BACH2: variants seen among roughly 807,000 people sequenced by gnomAD.
BACH2 encodes BACH transcriptional regulator 2.
BACH2 carries 5 observed loss-of-function variants against 61.8 expected under a neutral mutation model. The ratio of observed to expected loss-of-function variants is 0.08; its 90% confidence interval spans 0.04 to 0.17. BACH2 has a LOEUF of 0.17. BACH2 is among the 10% of genes least tolerant of loss of function. BACH2 has a pLI of 1.00. For missense variants in BACH2, 824 were observed against 1,091.1 expected, an observed-to-expected ratio of 0.76 and a Z score of 3.45; for synonymous variants, 446 against 440.1, an observed-to-expected ratio of 1.01 and a Z score of -0.17.
chr6:90,251,332 C>T (rs1490444770), intron 3 of BACH2, among the ~76,000 whole-genome samples: 1 of 152,062 alleles, frequency 6.6e-6, no homozygotes, highest in Non-Finnish European at 1.5e-5. Flanking sequence ...TTCTTTTAGA[C>T]AAGATCAGGC....
intron 5 of BACH2, among the ~76,000 whole-genome samples, chr6:90,069,766 G>A (rs557630079): frequency 6.6e-6 from 1 of 152,260 alleles, no homozygotes; most frequent in South Asian, 2.1e-4. Flanking sequence ...AGGCGATTAG[G>A]GAAATTAGTA....
At chr6:90,103,964 A>G (rs1782788786) in intron 4 of BACH2, among the ~76,000 whole-genome samples, 1 of 152,228 alleles carries the variant, frequency 6.6e-6, no homozygotes, top group African/African-American at 2.4e-5. Flanking sequence ...GATGCAGACA[A>G]TGAAGTGTAG....
intron 5 of BACH2, among the ~76,000 whole-genome samples, chr6:90,024,130 T>G (rs1363690503): frequency 7.1e-6 from 1 of 141,796 alleles, no homozygotes; most frequent in Non-Finnish European, 1.5e-5. Flanking sequence ...TTATGCACTT[T>G]TCTACATCTA....
At chr6:90,151,735 T>C (rs138168015) in intron 4 of BACH2, among the ~76,000 whole-genome samples, 2 of 152,360 alleles carry the variant, frequency 1.3e-5, no homozygotes, top group Non-Finnish European at 2.9e-5. Context: ...ACAGAAGGCA[T>C]ACTCCTAAAT....
intron 4 of BACH2, among the ~76,000 whole-genome samples, chr6:90,160,476 T>G (rs1272824882): frequency 6.6e-6 from 1 of 152,236 alleles, no homozygotes. Context: ...GACTGTTTTC[T>G]GTGAATTCTT....
At chr6:90,245,438 T>TA (rs776832740) in intron 3 of BACH2, among the ~76,000 whole-genome samples, 35 of 152,158 alleles carry the variant, frequency 2.3e-4, no homozygotes, top group Admixed American at 3.9e-4. Flanking sequence ...CAAGAAAATT[T>TA]AAAAAAATTA....
chr6:90,061,348 T>G (rs1203273086), intron 5 of BACH2, among the ~76,000 whole-genome samples: 2 of 152,194 alleles, frequency 1.3e-5, no homozygotes, highest in African/African-American at 4.8e-5. Context: ...GGTTGATGGC[T>G]GGTGGTGTCA....
At chr6:90,285,788 G>A (rs572080302) in intron 1 of BACH2, among the ~76,000 whole-genome samples, 2 of 152,156 alleles carry the variant, frequency 1.3e-5, no homozygotes, top group Admixed American at 6.5e-5. Flanking sequence ...TTTACAGTGC[G>A]GCCAGCTGAG....
intron 5 of BACH2, among the ~76,000 whole-genome samples, chr6:90,040,521 A>AC (rs1554232670): frequency 6.9e-6 from 1 of 145,470 alleles, no homozygotes. Flanking sequence ...GCTATTTTTG[A>AC]TTTTTTTTTT....
chr6:90,138,677 C>T (rs971264511), intron 4 of BACH2, among the ~76,000 whole-genome samples: 7 of 151,974 alleles, frequency 4.6e-5, no homozygotes, highest in East Asian at 1.9e-4. Context: ...TTAAATCCAC[C>T]GAAGGACACA....
At chr6:90,060,011 A>G (rs1780598239) in intron 5 of BACH2, among the ~76,000 whole-genome samples, 1 of 150,110 alleles carries the variant, frequency 6.7e-6, no homozygotes, top group Non-Finnish European at 1.5e-5. Context: ...GCATTAGGAG[A>G]TATACCTAAT....
intron 3 of BACH2, among the ~76,000 whole-genome samples, chr6:90,212,021 C>G (rs370409): frequency 6.6e-6 from 1 of 151,964 alleles, no homozygotes; most frequent in African/African-American, 2.4e-5. Context: ...CAAGGTGAAC[C>G]GGCTCTGAAG....
At chr6:90,190,815 C>T (rs917525037) in intron 4 of BACH2, among the ~76,000 whole-genome samples, 1 of 152,192 alleles carries the variant, frequency 6.6e-6, no homozygotes, top group Non-Finnish European at 1.5e-5. Context: ...GGCTAAGACC[C>T]CAGACCAACG....
intron 6 of BACH2, among the ~76,000 whole-genome samples, chr6:90,002,002 G>A (rs1346974160): frequency 6.6e-6 from 1 of 152,144 alleles, no homozygotes. Flanking sequence ...ATTGGTTTTT[G>A]TTTCTACTGC....
intron 1 of BACH2, among the ~76,000 whole-genome samples, chr6:90,296,024 G>T (rs6908626): frequency 0.11 from 16,856 of 152,084 alleles, 1,263 homozygotes; most frequent in Non-Finnish European, 0.17. Flanking sequence ...AGCTGGGATC[G>T]CAGGCTGGGG....
intron 6 of BACH2, among the ~76,000 whole-genome samples, chr6:89,986,417 T>C (rs1776245263): frequency 6.6e-6 from 1 of 152,172 alleles, no homozygotes. Context: ...ATTCAAAGTT[T>C]TTGTTTTTTC....
chr6:90,283,537 G>A (rs1380357025), intron 1 of BACH2, among the ~76,000 whole-genome samples: 1 of 151,674 alleles, frequency 6.6e-6, no homozygotes, highest in Non-Finnish European at 1.5e-5. Flanking sequence ...CACCATGCCC[G>A]GCTAATTTTT....
chr6:90,060,138 AAAAAC>A (rs1757540376), intron 5 of BACH2, among the ~76,000 whole-genome samples: 2 of 151,962 alleles, frequency 1.3e-5, no homozygotes, highest in African/African-American at 4.8e-5. Context: ...CAGTAAAAAA[AAAAAC>A]AAAGAAAACA....
intron 5 of BACH2, among the ~76,000 whole-genome samples, chr6:90,068,239 A>T (rs1397188205): frequency 6.6e-6 from 1 of 152,208 alleles, no homozygotes; most frequent in Non-Finnish European, 1.5e-5. Flanking sequence ...ATTGAAATTA[A>T]ACATGACATG....
Sources: allele counts gnomAD v4.1 joint callset (sites outside exome capture counted in the v4.1 genomes callset), GRCh38; gene constraint gnomAD v4.1.1; transcripts MANE v1.5; gene names NCBI Gene and HGNC (gene_info 2026-07-23, HGNC 2026-07-21).